MOK: variants seen among roughly 807,000 people sequenced by gnomAD.
MOK encodes the protein MAPK/MAK/MRK overlapping kinase.
A neutral mutation model predicts 54.2 loss-of-function variants in MOK; 59 were observed. The ratio of observed to expected loss-of-function variants is 1.09; its 90% CI spans 0.88 to 1.35. The LOEUF (loss-of-function observed/expected upper bound fraction) is 1.35. MOK is among the 40% of genes most tolerant of loss of function. MOK has a pLI of 0.00. For synonymous variants in MOK, 210 were observed against 202.7 expected (o/e 1.04, Z -0.31); for missense variants, 517 against 526.2 (o/e 0.98, Z 0.17).
In MOK at chr14:102,271,678, C is replaced by T. The variant is rs1171517965; in HGVS notation, c.123-5766G>A. ...GGTTCAAGCCATACTTGTGCCTCAG[C>T]CTCCTGAGTAACTGGGATTACAGGC... On this transcript the variant is annotated intron_variant, in intron 2 of 11. Transcript: ENST00000361847. Among the ~76,000 whole-genome samples the T allele has an allele frequency of 2.6e-5, 4 of 152,066 alleles. No individual in the cohort carries two copies. The South Asian group carries it at 6.2e-4, about 24-fold the overall frequency.
chr14:102,216,928 G>C, the MOK span, among the ~76,000 whole-genome samples: 5 of 152,130 alleles, frequency 3.3e-5, no homozygotes, highest in South Asian at 6.2e-4. Flanking sequence ...GCGAGACTCT[G>C]TCTTAAAGAA....
In MOK at chr14:102,231,678, C is replaced by G. The variant is rs375725750; in HGVS notation, c.981+29G>C. ...GGCATCCAGTCCCGGCTGAGCTAGG[C>G]AGTCTCCGGCTCCGATTTCGCTTAG... On this transcript the variant is annotated intron_variant, in intron 10 of 11. Transcript: ENST00000361847. The surrounding 1 kb of genome is among the most constrained non-coding windows in gnomAD (Gnocchi z 4.4). 7.5e-6 allele frequency: 12 copies of G among 1,594,622 alleles called. No individual in the cohort carries two copies. Among genetic ancestry groups the G allele is most frequent in the Non-Finnish European group, 9.4e-6 (11 of 1,165,184 alleles).
chr14:102,248,503 G>A (rs1466146635), intron 7 of MOK, among the ~76,000 whole-genome samples: 1 of 152,106 alleles, frequency 6.6e-6, no homozygotes, highest in Non-Finnish European at 1.5e-5. Context: ...GGGATGGCCG[G>A]GGCAGTGGCT....
At chr14:102,278,542 T>G (rs2069101955) in intron 2 of MOK, 1 of 405,258 alleles carries the variant, frequency 2.5e-6, no homozygotes, top group African/African-American at 2.0e-5. Flanking sequence ...GACCTGACGT[T>G]GGCATCAGCA....
At chr14:102,260,751 G>A (rs1278389269) in intron 4 of MOK, 1 of 152,092 alleles carries the variant, frequency 6.6e-6, no homozygotes, top group Non-Finnish European at 1.5e-5. Context: ...GACAGATATT[G>A]AAAGAAATAG....
intron 4 of MOK, among the ~76,000 whole-genome samples, chr14:102,261,424 T>A (rs1366204229): frequency 0.017 from 580 of 34,330 alleles, 12 homozygotes; most frequent in Non-Finnish European, 0.023. Context: ...AAAAAATATA[T>A]ATATATATAT....
At chr14:102,233,491 G>C in intron 8 of MOK, 197 bp downstream of exon 8, 2 of 564,886 alleles carry the variant, frequency 3.5e-6, no homozygotes, top group Non-Finnish European at 6.3e-6. Context: ...TCAAGGAAGA[G>C]CTCACCTTTG....
chr14:102,286,966 A>G (rs1003603116), intron 1 of MOK, among the ~76,000 whole-genome samples: 28 of 151,460 alleles, frequency 1.8e-4, no homozygotes, highest in Non-Finnish European at 1.9e-4. Flanking sequence ...AAAACTATAC[A>G]CACACACAGA....
chr14:102,222,809 T>C, downstream of MOK: 1 of 1,614,164 alleles, frequency 6.2e-7, no homozygotes. This position sits in a 1 kb window ranked among gnomAD's most constrained non-coding sequence, Gnocchi z 4.4. Flanking sequence ...GCTGGATTAA[T>C]GTAGACTGCT....
At chr14:102,241,043 A>T (rs1467682024) in intron 7 of MOK, among the ~76,000 whole-genome samples, 3 of 152,132 alleles carry the variant, frequency 2.0e-5, no homozygotes, top group Non-Finnish European at 4.4e-5. Context: ...TGATTTCTCC[A>T]TTTTACAAGA....
Position 102,240,493 on chromosome 14 carries a change from A to G in MOK, c.591-6704T>C. 6.2e-6 allele frequency: 1 copy of G among 162,076 alleles called. No homozygotes were observed. The highest frequency in any genetic ancestry group is 2.0e-4 in the South Asian group (1 of 5,118). The allele number at this position is 162,076 out of a possible 1,614,324, so 10.0% of individuals were successfully genotyped here. On this transcript the variant is annotated intron_variant, in intron 7 of 11. Transcript: ENST00000361847. The surrounding 1 kb of genome is among the most constrained non-coding windows in gnomAD (Gnocchi z 5.4). ...AAGCGGTCTTTTCACTCTCTTCTCC[A>G]GCCTCTCTTGCTACCCTTCAGTCTC...
At chr14:102,251,680 G>C in intron 6 of MOK, 76 bp downstream of exon 6, 1 of 1,181,718 alleles carries the variant, frequency 8.5e-7, no homozygotes, top group Non-Finnish European at 1.2e-6. Context: ...CCTCTGGTAG[G>C]AGGAGAAAAC....
downstream of MOK, among the ~76,000 whole-genome samples, chr14:102,220,809 A>G (rs754451163): frequency 5.9e-5 from 9 of 151,760 alleles, no homozygotes; most frequent in Admixed American, 2.6e-4. This position sits in a 1 kb window ranked among gnomAD's most constrained non-coding sequence, Gnocchi z 4.2. Context: ...GTCTTGCTCT[A>G]TCCCCCAGGC....
intron 4 of MOK, among the ~76,000 whole-genome samples, chr14:102,261,419 ATATATATAT>A (rs1257437374): frequency 8.8e-5 from 1 of 11,376 alleles, no homozygotes; most frequent in African/African-American, 2.9e-4. Flanking sequence ...AAAAAAAAAA[ATATATATAT>A]ATATATATAT....
chr14:102,215,062 C>A, the MOK span: 1 of 919,522 alleles, frequency 1.1e-6, no homozygotes, highest in Non-Finnish European at 1.3e-6. Context: ...CCCAGTGAAC[C>A]AAAACCAGAA....
chr14:102,264,113 AAGG>A (rs1026597835), intron 3 of MOK: 1 of 153,842 alleles, frequency 6.5e-6, no homozygotes, highest in South Asian at 2.0e-4. Flanking sequence ...CGGGAGGCTG[AAGG>A]AGGAGAATAG....
intron 7 of MOK, among the ~76,000 whole-genome samples, chr14:102,243,347 T>G (rs1339972169): frequency 1.3e-5 from 2 of 152,158 alleles, no homozygotes; most frequent in Non-Finnish European, 2.9e-5. Flanking sequence ...CAACCCTTTT[T>G]CATTACACAG....
downstream of MOK, among the ~76,000 whole-genome samples, chr14:102,224,036 G>GTTTTTTTTTTTTTTTTTTTTTTTTTT (rs1184725386): frequency 7.2e-6 from 1 of 139,442 alleles, no homozygotes; most frequent in African/African-American, 2.7e-5. Flanking sequence ...GTTTACCTGA[G>GTTTTTTTTTTTTTTTTTTTTTTTTTT]ATTTTTTTTT....
chr14:102,228,441 A>G (rs1160430153), downstream of MOK, among the ~76,000 whole-genome samples: 2 of 152,194 alleles, frequency 1.3e-5, no homozygotes, highest in African/African-American at 2.4e-5. Context: ...TCATGCCTGT[A>G]ATCCCAGCAC....
Sources: allele counts gnomAD v4.1 joint callset (sites outside exome capture counted in the v4.1 genomes callset), GRCh38; gene constraint gnomAD v4.1.1; non-coding constraint Gnocchi (gnomAD v3.1); transcripts MANE v1.5; gene names NCBI Gene and HGNC (gene_info 2026-07-23, HGNC 2026-07-21).